PVT1: variants seen among roughly 807,000 people sequenced by gnomAD.
PVT1 encodes Pvt1 oncogene, also known as CXCR4/PVT1 fusion.
chr8:127,965,306 T>C (rs754457099), intron 3 of PVT1, among the ~76,000 whole-genome samples: 50 of 152,366 alleles, frequency 3.3e-4, no homozygotes, highest in Non-Finnish European at 5.9e-4. Flanking sequence ...GAAAAAATGT[T>C]GCCCCCTAAG....
chr8:127,935,428 G>T (rs1453496072), intron 3 of PVT1, among the ~76,000 whole-genome samples: 3 of 150,828 alleles, frequency 2.0e-5, no homozygotes, highest in Non-Finnish European at 4.4e-5. Flanking sequence ...GCCAGGTCAG[G>T]GTGTGTGTGT....
At chr8:127,812,939 T>C (rs1814615004) in intron 2 of PVT1, among the ~76,000 whole-genome samples, 1 of 152,098 alleles carries the variant, frequency 6.6e-6, no homozygotes, top group South Asian at 2.1e-4. Flanking sequence ...AAGAGCCCAG[T>C]CCATGCATTT....
At chr8:127,864,634 G>T (rs986365819) in intron 2 of PVT1, among the ~76,000 whole-genome samples, 11 of 151,848 alleles carry the variant, frequency 7.2e-5, no homozygotes, top group Non-Finnish European at 1.6e-4. Context: ...TGCCAGCTCC[G>T]CCTCCCGGGT....
At chr8:127,931,440 C>T (rs1816205285) in intron 3 of PVT1, among the ~76,000 whole-genome samples, 2 of 152,220 alleles carry the variant, frequency 1.3e-5, no homozygotes, top group Non-Finnish European at 2.9e-5. Flanking sequence ...AGGACCCTGA[C>T]TGGCTCATCA....
intron 2 of PVT1, among the ~76,000 whole-genome samples, chr8:127,880,669 C>G (rs888059920): frequency 2.1e-5 from 3 of 146,314 alleles, no homozygotes; most frequent in Non-Finnish European, 4.5e-5. Flanking sequence ...GGCATGATCA[C>G]TGCTCATTGC....
At chr8:127,854,016 A>G (rs570931439) in intron 2 of PVT1, among the ~76,000 whole-genome samples, 2 of 152,024 alleles carry the variant, frequency 1.3e-5, no homozygotes, top group South Asian at 4.2e-4. Context: ...CCACGTGCCA[A>G]CTTGTTTCAG....
intron 2 of PVT1, among the ~76,000 whole-genome samples, chr8:127,826,371 A>G (rs1408790220): frequency 6.6e-6 from 1 of 152,058 alleles, no homozygotes; most frequent in Non-Finnish European, 1.5e-5. Context: ...AGTTGTTCTC[A>G]CTAGTGGAGT....
At chr8:127,998,818 CCCTTCCTTCCTT>C (rs3041894) in intron 4 of PVT1, among the ~76,000 whole-genome samples, 31 of 120,700 alleles carry the variant, frequency 2.6e-4, no homozygotes, top group African/African-American at 9.4e-4. Flanking sequence ...TCTCCTCCTC[CCCTTCCTTCCTT>C]CCTTCCTTCC....
chr8:128,098,965 G>A (rs996509490), intron 6 of PVT1, among the ~76,000 whole-genome samples: 5 of 152,188 alleles, frequency 3.3e-5, no homozygotes, highest in African/African-American at 1.2e-4. Context: ...CTAGAAAGCA[G>A]CTTTTCTGGA....
At chr8:127,974,537 C>T (rs1002736079) in intron 3 of PVT1, among the ~76,000 whole-genome samples, 4 of 150,882 alleles carry the variant, frequency 2.7e-5, no homozygotes, top group African/African-American at 7.5e-5. Context: ...GCTTCAGCCA[C>T]CTGAGTAGCT....
intron 2 of PVT1, among the ~76,000 whole-genome samples, chr8:127,836,279 A>G (rs909001406): frequency 1.3e-5 from 2 of 152,136 alleles, no homozygotes; most frequent in African/African-American, 2.4e-5. Context: ...TGGTTCATAC[A>G]TATTCTTTTT....
At chr8:127,839,087 C>G (rs980350994) in intron 2 of PVT1, among the ~76,000 whole-genome samples, 1 of 152,182 alleles carries the variant, frequency 6.6e-6, no homozygotes, top group Non-Finnish European at 1.5e-5. Context: ...TAGTTTTGTA[C>G]AAACTCCCTC....
chr8:128,076,605 G>T (rs1229670104), intron 5 of PVT1, among the ~76,000 whole-genome samples: 1 of 152,192 alleles, frequency 6.6e-6, no homozygotes, highest in Non-Finnish European at 1.5e-5. Context: ...TTCTAGCTGT[G>T]TGTTCTTAGG....
At chr8:128,044,733 G>T (rs1813591640) in intron 4 of PVT1, among the ~76,000 whole-genome samples, 1 of 152,226 alleles carries the variant, frequency 6.6e-6, no homozygotes, top group African/African-American at 2.4e-5. Context: ...CAAGTATGGT[G>T]CCTGTGCATA....
At chr8:127,822,567 ACT>A (rs1473359023) in intron 2 of PVT1, among the ~76,000 whole-genome samples, 5 of 152,146 alleles carry the variant, frequency 3.3e-5, no homozygotes, top group African/African-American at 1.2e-4. Flanking sequence ...ACAGAGCAGG[ACT>A]CTGTCTCAGA....
At chr8:127,855,948 G>A (rs118013846) in intron 2 of PVT1, among the ~76,000 whole-genome samples, 3 of 152,088 alleles carry the variant, frequency 2.0e-5, no homozygotes, top group African/African-American at 7.2e-5. Context: ...CCATAATCTC[G>A]CCCCTCCCTG....
intron 3 of PVT1, among the ~76,000 whole-genome samples, chr8:127,976,992 C>T (rs1353088762): frequency 1.3e-5 from 2 of 152,168 alleles, no homozygotes; most frequent in South Asian, 2.1e-4. Flanking sequence ...CCCAGATCCA[C>T]GATGTGTAGT....
chr8:128,077,710 T>C (rs1039345483), intron 5 of PVT1, among the ~76,000 whole-genome samples: 4 of 152,202 alleles, frequency 2.6e-5, no homozygotes, highest in Admixed American at 1.3e-4. Flanking sequence ...AGCAGCTGCC[T>C]TCCTCATTTT....
chr8:127,803,181 T>C (rs1403985926), intron 2 of PVT1: 2 of 141,582 alleles, frequency 1.4e-5, no homozygotes, highest in Non-Finnish European at 3.0e-5. Context: ...CAGGCTGGAG[T>C]GCAGTGGCGA....
Sources: allele counts gnomAD v4.1 joint callset (sites outside exome capture counted in the v4.1 genomes callset), GRCh38; gene constraint gnomAD v4.1.1; transcripts MANE v1.5; gene names NCBI Gene and HGNC (gene_info 2026-07-23, HGNC 2026-07-21).